The following ATP10A variants were observed in gnomAD, a reference collection of about 807,000 sequenced individuals.
The protein encoded by ATP10A is ATPase phospholipid transporting 10A (putative), also known as phospholipid-transporting ATPase VA.
ATP10A carries 111 observed loss-of-function variants against 147.8 expected under a neutral mutation model. The observed-to-expected ratio is 0.75, with a 90% confidence interval of 0.64 to 0.88. ATP10A has a LOEUF of 0.88. Among genes scored for constraint, ATP10A ranks in the 40% least tolerant of loss-of-function variants. The probability of loss-of-function intolerance (pLI) is 0.00; values close to 1 mark genes in which losing one functional copy is unlikely to be tolerated. For synonymous variants in ATP10A, 875 were observed against 841.6 expected (o/e 1.04, Z -0.69); for missense variants, 1,927 against 1,959.0 (o/e 0.98, Z 0.31).
At chr15:25,856,148 C>T (rs1893506956) in intron 1 of ATP10A, among the ~76,000 whole-genome samples, 1 of 152,166 alleles carries the variant, frequency 6.6e-6, no homozygotes, top group South Asian at 2.1e-4. Context: ...TCTCTGTCCC[C>T]ACCCAAATCT....
intron 3 of ATP10A, among the ~76,000 whole-genome samples, chr15:25,728,990 G>C (rs1366635669): frequency 6.6e-6 from 1 of 152,170 alleles, no homozygotes; most frequent in Non-Finnish European, 1.5e-5. Flanking sequence ...AGAGAGGCCC[G>C]GCCGAGGGCG....
At chr15:25,855,475 G>A (rs1893471194) in intron 1 of ATP10A, among the ~76,000 whole-genome samples, 1 of 151,526 alleles carries the variant, frequency 6.6e-6, no homozygotes, top group Non-Finnish European at 1.5e-5. Context: ...GAACAAAAGG[G>A]AAATTCCTCA....
At chr15:25,825,741 A>C (rs574572415) in intron 1 of ATP10A, among the ~76,000 whole-genome samples, 1 of 152,308 alleles carries the variant, frequency 6.6e-6, no homozygotes, top group African/African-American at 2.4e-5. Flanking sequence ...AAAAGAATTC[A>C]ATTTCCAAAG....
rs142993802 is a variant in ATP10A, at chr15:25,718,398, C to G, written c.1365G>C (p.Ala455=). The stretch of plus-strand genomic sequence containing the variant: ...CCTCTTGGTACCTGGCCAGACGCTG[C>G]GCTGCGGGGAGAGGGCGCAGGGTGA... The part of the protein sequence containing the change: ...SGVEYSHDAN[A]QRLARYQEAD... Residue 455 remains alanine, a splice_region_variant and synonymous_variant, in exon 8 of 21, where the codon GCG becomes GCC. Coordinates refer to ENST00000555815, the MANE Select transcript of ATP10A (RefSeq NM_024490.4). The G allele has an allele frequency of 6.3e-7, 1 of 1,592,438 alleles. No homozygotes were observed. Among genetic ancestry groups the G allele is most frequent in the Admixed American group, 1.7e-5 (1 of 57,348 alleles).
intron 3 of ATP10A, among the ~76,000 whole-genome samples, chr15:25,730,549 C>T (rs1261593785): frequency 6.6e-6 from 1 of 152,080 alleles, no homozygotes. Context: ...GTCCCCGATG[C>T]GTCCCCTACA....
chr15:25,759,020 G>A (rs1326789800), intron 2 of ATP10A, among the ~76,000 whole-genome samples: 1 of 152,186 alleles, frequency 6.6e-6, no homozygotes, highest in Non-Finnish European at 1.5e-5. Flanking sequence ...TAGCCTGTGC[G>A]ATCTAACCCT....
intron 3 of ATP10A, among the ~76,000 whole-genome samples, chr15:25,733,930 G>A (rs970106504): frequency 5.9e-5 from 9 of 152,236 alleles, no homozygotes; most frequent in Non-Finnish European, 1.2e-4. Flanking sequence ...AGAAGCCCCG[G>A]TGGGCCTGGC....
rs181994266 is a variant in ATP10A at position 25,744,024 on chromosome 15, C to T, written c.655-7883G>A. Among the ~76,000 whole-genome samples the T allele has an allele frequency of 2.2e-3, 333 of 152,200 alleles. 2 individuals carry two copies. Among genetic ancestry groups the T allele is most frequent in the Non-Finnish European group, 3.2e-3 (219 of 68,020 alleles). ...ATCTTTCGGGGGACCACTATTCTGT[C>T]TACTATAAAACCTACCAAGAGAGGG... On this transcript the variant is annotated intron_variant, in intron 2 of 20. Coordinates refer to ENST00000555815, the MANE Select transcript of ATP10A (RefSeq NM_024490.4).
intron 1 of ATP10A, among the ~76,000 whole-genome samples, chr15:25,797,439 C>T (rs373140411): frequency 6.6e-5 from 10 of 152,146 alleles, no homozygotes; most frequent in South Asian, 6.2e-4. Flanking sequence ...TGGCCCCTGG[C>T]CCCTGCCCCC....
chr15:25,687,853 T>C (rs1323348991), intron 15 of ATP10A, 25 bp from the exon 16 acceptor site: 1 of 1,613,598 alleles, frequency 6.2e-7, no homozygotes, highest in Non-Finnish European at 8.5e-7. Flanking sequence ...GGATTCCTGT[T>C]ACTGGTGATG....
At chr15:25,727,648 T>C (rs977915489) in intron 3 of ATP10A, among the ~76,000 whole-genome samples, 1 of 152,248 alleles carries the variant, frequency 6.6e-6, no homozygotes, top group African/African-American at 2.4e-5. Flanking sequence ...ATGTTACTCC[T>C]AATCAGTCTC....
At position 25,732,823 on chromosome 15, in the gene ATP10A, G is replaced by T. The variant is rs368696946; in HGVS notation, c.740+3233C>A. Among the ~76,000 whole-genome samples, 599 of 152,004 alleles carry T rather than the reference G, an allele frequency of 3.9e-3. 4 individuals carry two copies. Among genetic ancestry groups the T allele is most frequent in the Middle Eastern group, 0.02 (6 of 294 alleles). ...GCCCGCCCCGGCCTCCCAAAGTGCT[G>T]GGATTACAGGTGTGAGCCACCGCGC... On this transcript the variant is annotated intron_variant, in intron 3 of 20. Coordinates refer to ENST00000555815, the MANE Select transcript of ATP10A (RefSeq NM_024490.4).
intron 3 of ATP10A, among the ~76,000 whole-genome samples, chr15:25,733,496 G>GCT (rs955844157): frequency 1.3e-5 from 2 of 152,172 alleles, no homozygotes; most frequent in African/African-American, 4.8e-5. Flanking sequence ...CCGGGGCAGG[G>GCT]CTGCTCCCCT....
At chr15:25,698,603 T>C (rs924399009) in intron 13 of ATP10A, among the ~76,000 whole-genome samples, 6 of 152,190 alleles carry the variant, frequency 3.9e-5, no homozygotes, top group Non-Finnish European at 7.3e-5. Flanking sequence ...TTTGACTACA[T>C]GGAGGGATTG....
intron 1 of ATP10A, among the ~76,000 whole-genome samples, chr15:25,781,809 C>T (rs1197437274): frequency 6.6e-6 from 1 of 152,126 alleles, no homozygotes; most frequent in Non-Finnish European, 1.5e-5. Flanking sequence ...CTGCCAAGGG[C>T]TGGGGGAAAA....
At chr15:25,674,926 G>A (rs898672897), downstream of ATP10A, among the ~76,000 whole-genome samples, 1 of 152,226 alleles carries the variant, frequency 6.6e-6, no homozygotes, top group Non-Finnish European at 1.5e-5. Flanking sequence ...GGGAAAAGGT[G>A]AAAAGCAGAC....
chr15:25,685,466 C>T lies in ATP10A; in HGVS notation c.3292-1980G>A, dbSNP rs191669413. Among the ~76,000 whole-genome samples, 172 of 152,238 alleles carry T rather than the reference C, an allele frequency of 1.1e-3. 1 individual carries two copies. Among genetic ancestry groups the T allele is most frequent in the African/African-American group, 3.8e-3 (157 of 41,554 alleles). On this transcript the variant is annotated intron_variant, in intron 16 of 20. Transcript: ENST00000555815. The stretch of plus-strand genomic sequence containing the variant: ...GCCTACATCATTCTTGCCCTCCCTT[C>T]GATCTGAGACATTTTAACTGGGAAT...
intron 1 of ATP10A, among the ~76,000 whole-genome samples, chr15:25,805,096 G>A (rs1465536264): frequency 6.6e-6 from 1 of 152,196 alleles, no homozygotes; most frequent in Non-Finnish European, 1.5e-5. Flanking sequence ...TCTTCCAGGA[G>A]AAGCCAGTCC....
At chr15:25,833,301 T>C (rs1243476584) in intron 1 of ATP10A, among the ~76,000 whole-genome samples, 2 of 152,030 alleles carry the variant, frequency 1.3e-5, no homozygotes, top group Non-Finnish European at 2.9e-5. Context: ...TTTATTTTTA[T>C]CTTTAATTGA....
Sources: allele counts gnomAD v4.1 joint callset (sites outside exome capture counted in the v4.1 genomes callset), GRCh38; gene constraint gnomAD v4.1.1; transcripts MANE v1.5; gene names NCBI Gene and HGNC (gene_info 2026-07-23, HGNC 2026-07-21).